ASTN2: variants seen among roughly 807,000 people sequenced by gnomAD.
ASTN2 encodes astrotactin 2.
ASTN2 carries 54 observed loss-of-function variants against 139.8 expected under a neutral mutation model. That is an observed-to-expected ratio of 0.39 (90% CI 0.31 to 0.48). The LOEUF (loss-of-function observed/expected upper bound fraction) is 0.48. Ranked by LOEUF, ASTN2 falls within the 20% of genes least tolerant of loss-of-function variation. ASTN2 has a pLI of 0.95. For missense variants in ASTN2, 1,565 were observed against 1,725.1 expected, an observed-to-expected ratio of 0.91 and a Z score of 1.64; for synonymous variants, 756 against 719.5, an observed-to-expected ratio of 1.05 and a Z score of -0.81.
At chr9:116,483,985 G>C (rs1849255480) in intron 20 of ASTN2, among the ~76,000 whole-genome samples, 1 of 152,160 alleles carries the variant, frequency 6.6e-6, no homozygotes, top group African/African-American at 2.4e-5. Flanking sequence ...GTGTCTGACT[G>C]TGTTTAACTA....
At chr9:117,331,272 G>A (rs140403205) in intron 1 of ASTN2, among the ~76,000 whole-genome samples, 4 of 152,084 alleles carry the variant, frequency 2.6e-5, no homozygotes, top group African/African-American at 7.2e-5. Context: ...CTTAGAGCCC[G>A]AGGTTTCCTG....
chr9:117,096,234 A>C, intron 4 of ASTN2, 83 bp from the exon 5 acceptor site: 1 of 1,099,722 alleles, frequency 9.1e-7, no homozygotes, highest in Non-Finnish European at 1.4e-6. Context: ...GAGATCAGCA[A>C]TCCCATCCCC....
chr9:116,464,129 T>C (rs1848579804), intron 20 of ASTN2, among the ~76,000 whole-genome samples: 1 of 151,998 alleles, frequency 6.6e-6, no homozygotes, highest in East Asian at 1.9e-4. Flanking sequence ...AAATTAATGG[T>C]TGAATGTATA....
At chr9:116,477,020 G>A (rs184100981) in intron 20 of ASTN2, among the ~76,000 whole-genome samples, 20 of 152,124 alleles carry the variant, frequency 1.3e-4, no homozygotes, top group African/African-American at 2.2e-4. Context: ...GCCCTCCAGC[G>A]CAGCCTCAGC....
At chr9:117,125,997 C>T (rs1286477922) in intron 4 of ASTN2, among the ~76,000 whole-genome samples, 3 of 149,722 alleles carry the variant, frequency 2.0e-5, no homozygotes, top group Non-Finnish European at 4.4e-5. Context: ...ATCAAACCAG[C>T]ATTTTTCCAT....
intron 1 of ASTN2, among the ~76,000 whole-genome samples, chr9:117,294,332 T>A (rs567404696): frequency 6.2e-4 from 94 of 152,368 alleles, no homozygotes; most frequent in African/African-American, 2.0e-3. Flanking sequence ...AATAACAGTG[T>A]GTGAAACACA....
intron 10 of ASTN2, among the ~76,000 whole-genome samples, chr9:116,949,243 G>A (rs1440345771): frequency 6.6e-6 from 1 of 152,132 alleles, no homozygotes; most frequent in Admixed American, 6.5e-5. Flanking sequence ...TCCTGAGCTT[G>A]GTGGCCACCC....
chr9:116,593,206 C>A (rs972550153), intron 19 of ASTN2, among the ~76,000 whole-genome samples: 1 of 152,130 alleles, frequency 6.6e-6, no homozygotes, highest in African/African-American at 2.4e-5. Context: ...AGGCTGGGTG[C>A]GGTAACATCT....
intron 17 of ASTN2, among the ~76,000 whole-genome samples, chr9:116,643,909 G>A (rs1356101365): frequency 2.0e-5 from 3 of 152,164 alleles, no homozygotes; most frequent in African/African-American, 7.2e-5. Flanking sequence ...AGTAATTATA[G>A]TAGCATATGT....
chr9:116,857,412 A>G (rs1175795302), intron 11 of ASTN2, among the ~76,000 whole-genome samples: 3 of 152,186 alleles, frequency 2.0e-5, no homozygotes, highest in African/African-American at 4.8e-5. Flanking sequence ...TTATGCTGCA[A>G]TCCTGCTGAA....
At chr9:116,836,951 A>G (rs1173875894) in intron 11 of ASTN2, among the ~76,000 whole-genome samples, 1 of 152,140 alleles carries the variant, frequency 6.6e-6, no homozygotes, top group Non-Finnish European at 1.5e-5. Flanking sequence ...AAAGCCTAAA[A>G]TATTTACTAT....
At chr9:116,765,449 G>T (rs1588274509) in intron 13 of ASTN2, among the ~76,000 whole-genome samples, 1 of 152,176 alleles carries the variant, frequency 6.6e-6, no homozygotes, top group Non-Finnish European at 1.5e-5. Flanking sequence ...TTAAGGGTAT[G>T]TGATATTGGG....
chr9:116,939,816 A>T lies in ASTN2; in HGVS notation c.1889+35392T>A, dbSNP rs1835176968. On this transcript the variant is annotated intron_variant, in intron 10 of 22. Coordinates refer to ENST00000313400, the MANE Select transcript of ASTN2 (RefSeq NM_001365068.1). ...GTGGAAAAATGATAACAAATACGTC[A>T]TGGGCTGCATGATGACGTTTCCGTC... 2.6e-5 allele frequency among the ~76,000 whole-genome samples: 4 copies of T among 152,194 alleles called. 1 individual carries two copies. The South Asian group carries it at 8.3e-4, about 32-fold the overall frequency.
At chr9:117,322,654 CT>C (rs1489399148) in intron 1 of ASTN2, among the ~76,000 whole-genome samples, 3 of 152,134 alleles carry the variant, frequency 2.0e-5, no homozygotes, top group Non-Finnish European at 4.4e-5. Context: ...CTGCCTTGGG[CT>C]TTTAGGTCTT....
In ASTN2 at chr9:116,620,242, G is replaced by C. The variant is rs1856065663; in HGVS notation, c.3206+68C>G. The C allele has an allele frequency of 1.9e-6, 3 of 1,606,456 alleles. No individual in the cohort carries two copies. The Admixed American group carries it at 5.0e-5, about 27-fold the overall frequency. The stretch of plus-strand genomic sequence containing the variant: ...GGAGCAGAAGCAAGTCATGGCATGG[G>C]CTGGCAGGACAGGAGTGTGAGTCCA... On this transcript the variant is annotated intron_variant, in intron 18 of 22. Coordinates refer to ENST00000313400, the MANE Select transcript of ASTN2 (RefSeq NM_001365068.1).
At chr9:117,017,392 G>T (rs981619241) in intron 6 of ASTN2, among the ~76,000 whole-genome samples, 4 of 152,068 alleles carry the variant, frequency 2.6e-5, no homozygotes, top group Non-Finnish European at 5.9e-5. Flanking sequence ...AAACCCAAAG[G>T]TGATTTAGCT....
At chr9:116,534,886 G>C (rs750920919) in intron 19 of ASTN2, among the ~76,000 whole-genome samples, 2 of 152,158 alleles carry the variant, frequency 1.3e-5, no homozygotes. Context: ...TCCACTTGGT[G>C]CAGAACTGAG....
At chr9:116,600,715 T>C (rs1765463249) in intron 19 of ASTN2, among the ~76,000 whole-genome samples, 1 of 152,192 alleles carries the variant, frequency 6.6e-6, no homozygotes, top group African/African-American at 2.4e-5. Context: ...CTTAAATCAC[T>C]CTCTATAATT....
chr9:117,232,289 G>A (rs1278829482), intron 2 of ASTN2, among the ~76,000 whole-genome samples: 2 of 152,144 alleles, frequency 1.3e-5, no homozygotes, highest in African/African-American at 2.4e-5. Flanking sequence ...TATACCCCAG[G>A]TTTTGATCAA....
Sources: gnomAD v4.1 joint callset for allele counts (sites outside exome capture counted in the v4.1 genomes callset) on GRCh38, gnomAD v4.1.1 for gene constraint, MANE v1.5 for transcripts, NCBI Gene and HGNC (gene_info 2026-07-23, HGNC 2026-07-21) for gene names.